Variants in SLIT1 observed in about 807,000 individuals in gnomAD.
SLIT1 encodes slit homolog 1 protein.
A neutral mutation model predicts 186.1 loss-of-function variants in SLIT1; 66 were observed. That is an observed-to-expected ratio of 0.35 (90% CI 0.29 to 0.44). The LOEUF (loss-of-function observed/expected upper bound fraction) is 0.44, where lower values mean the gene tolerates loss of function less well. Among genes scored for constraint, SLIT1 ranks in the 20% least tolerant of loss-of-function variants. The pLI, the probability that SLIT1 is intolerant of heterozygous loss-of-function variation, is 1.00. For missense variants in SLIT1, 1,638 were observed against 2,037.4 expected (o/e 0.80, Z 3.77); for synonymous variants, 761 against 833.8 (o/e 0.91, Z 1.50).
chr10:97,019,373 A>AGGCG (rs1454935596), intron 26 of SLIT1, among the ~76,000 whole-genome samples: 1 of 152,212 alleles, frequency 6.6e-6, no homozygotes, highest in Non-Finnish European at 1.5e-5. Context: ...CTTGGCAGGC[A>AGGCG]GGCGGGCGGG....
chr10:97,063,895 C>A, intron 7 of SLIT1, among the ~76,000 whole-genome samples: 1 of 152,180 alleles, frequency 6.6e-6, no homozygotes, highest in Non-Finnish European at 1.5e-5. Context: ...TGCACAGGCT[C>A]ACTTCCCCAA....
intron 25 of SLIT1, among the ~76,000 whole-genome samples, chr10:97,024,102 T>G (rs1392459992): frequency 6.6e-6 from 1 of 152,280 alleles, no homozygotes; most frequent in South Asian, 2.1e-4. Context: ...TAAGGCTAAA[T>G]AACGTGAATG....
intron 12 of SLIT1, 88 bp downstream of exon 12, chr10:97,057,122 A>G: frequency 9.9e-7 from 1 of 1,012,116 alleles, no homozygotes; most frequent in South Asian, 1.4e-5. Flanking sequence ...CCCATACCCA[A>G]GAGAGGCCTA....
chr10:97,081,306 GA>G (rs1849102758), intron 4 of SLIT1, among the ~76,000 whole-genome samples: 1 of 152,172 alleles, frequency 6.6e-6, no homozygotes, highest in African/African-American at 2.4e-5. Flanking sequence ...CTTCTCCAGG[GA>G]GAAGCTGGGA....
intron 4 of SLIT1, among the ~76,000 whole-genome samples, chr10:97,126,201 G>A (rs1396277909): frequency 6.6e-6 from 1 of 152,214 alleles, no homozygotes; most frequent in Non-Finnish European, 1.5e-5. Flanking sequence ...CGCTTACACA[G>A]AAAGCACCTT....
At chr10:97,141,192 G>A (rs1325149268) in intron 4 of SLIT1, among the ~76,000 whole-genome samples, 1 of 152,142 alleles carries the variant, frequency 6.6e-6, no homozygotes, top group African/African-American at 2.4e-5. Context: ...CAGGAATGAG[G>A]TGACAAGCAC....
At chr10:97,096,412 T>C (rs1469277150) in intron 4 of SLIT1, among the ~76,000 whole-genome samples, 1 of 146,354 alleles carries the variant, frequency 6.8e-6, no homozygotes, top group East Asian at 2.0e-4. Context: ...CCTCAACCCC[T>C]CCTGCCCTCC....
intron 32 of SLIT1, among the ~76,000 whole-genome samples, chr10:97,005,843 T>C (rs1848355489): frequency 6.6e-6 from 1 of 151,948 alleles, no homozygotes; most frequent in Admixed American, 6.6e-5. Flanking sequence ...GGAAGAAAGA[T>C]GTGGCATTTG....
At chr10:97,101,128 C>T (rs762563275) in intron 4 of SLIT1, among the ~76,000 whole-genome samples, 3 of 152,152 alleles carry the variant, frequency 2.0e-5, no homozygotes, top group Non-Finnish European at 4.4e-5. Flanking sequence ...CCCAAAGGCA[C>T]ATTCAGAAGC....
intron 4 of SLIT1, among the ~76,000 whole-genome samples, chr10:97,152,693 G>A (rs79669721): frequency 0.06 from 9,190 of 152,172 alleles, 623 homozygotes; most frequent in African/African-American, 0.17. Flanking sequence ...TACCGTAAAC[G>A]TAACACATGC....
chr10:97,164,892 T>C lies in SLIT1; in HGVS notation c.198-2A>G. Reference sequence around the variant, plus strand: ...GTGATGTTGTTGCCATTGAGTTCCCTGGAGGAAGAAGGAGAGAAGGAAGCA... The same window carrying C: ...GTGATGTTGTTGCCATTGAGTTCCCCGGAGGAAGAAGGAGAGAAGGAAGCA... On this transcript the variant is annotated splice_acceptor_variant, in intron 1 of 36. Coordinates refer to ENST00000266058, the MANE Select transcript of SLIT1 (RefSeq NM_003061.3). LOFTEE classifies it high-confidence loss of function. The C allele has an allele frequency of 1.9e-6, 3 of 1,612,096 alleles. No homozygotes were observed. The highest frequency in any genetic ancestry group is 2.5e-6 in the Non-Finnish European group (3 of 1,178,390).
At chr10:97,147,308 T>C (rs773025711) in intron 4 of SLIT1, among the ~76,000 whole-genome samples, 3 of 152,154 alleles carry the variant, frequency 2.0e-5, no homozygotes, top group Non-Finnish European at 4.4e-5. Flanking sequence ...GTACAGAGTT[T>C]ATATTGGGGA....
chr10:97,124,829 C>A (rs1287796949), intron 4 of SLIT1, among the ~76,000 whole-genome samples: 1 of 152,180 alleles, frequency 6.6e-6, no homozygotes, highest in Non-Finnish European at 1.5e-5. Flanking sequence ...GCCACTTACC[C>A]GCTGTGCGAC....
At chr10:97,133,064 T>G (rs1849669324) in intron 4 of SLIT1, among the ~76,000 whole-genome samples, 1 of 152,176 alleles carries the variant, frequency 6.6e-6, no homozygotes, top group African/African-American at 2.4e-5. Flanking sequence ...GGAAGTTGCA[T>G]GCTCATGGCA....
At chr10:97,158,733 A>T (rs1419769156) in intron 3 of SLIT1, among the ~76,000 whole-genome samples, 1 of 151,934 alleles carries the variant, frequency 6.6e-6, no homozygotes, top group East Asian at 1.9e-4. Context: ...ATGCATGCTC[A>T]GCCAGGCATG....
chr10:97,027,910 A>G (rs533921261), intron 25 of SLIT1, among the ~76,000 whole-genome samples: 1 of 152,270 alleles, frequency 6.6e-6, no homozygotes, highest in Admixed American at 6.5e-5. Context: ...GAGATACATT[A>G]AGGGGGGGCG....
In SLIT1 at chr10:97,034,003, T is replaced by C. The variant is rs141947068; in HGVS notation, c.2438+468A>G. Among the ~76,000 whole-genome samples, 48 of 152,044 alleles carry C rather than the reference T, an allele frequency of 3.2e-4. 1 individual carries two copies. The East Asian group carries it at 8.9e-3, about 28-fold the overall frequency. On this transcript the variant is annotated intron_variant, in intron 23 of 36. Transcript: ENST00000266058. The stretch of plus-strand genomic sequence containing the variant: ...CCTCAGCCTCCCAAGTAGGTGGGAC[T>C]ACAGGCACCCGCCACCCAGCCCGAT...
intron 3 of SLIT1, 105 bp from the exon 4 acceptor site, chr10:97,157,994 A>T: frequency 1.2e-6 from 1 of 845,434 alleles, no homozygotes; most frequent in South Asian, 1.4e-5. Context: ...CCAGTATTCA[A>T]ATCCTAACAG....
At chr10:97,132,638 C>T (rs1564683646) in intron 4 of SLIT1, among the ~76,000 whole-genome samples, 2 of 152,222 alleles carry the variant, frequency 1.3e-5, no homozygotes, top group Non-Finnish European at 2.9e-5. Context: ...CCAAGGGCCC[C>T]AGCATTTCCA....
Sources: allele counts gnomAD v4.1 joint callset (sites outside exome capture counted in the v4.1 genomes callset), GRCh38; gene constraint gnomAD v4.1.1; transcripts MANE v1.5; gene names NCBI Gene and HGNC (gene_info 2026-07-23, HGNC 2026-07-21).